Variants in MYH1 observed in about 807,000 individuals in gnomAD.
The protein encoded by MYH1 is myosin-1.
A neutral mutation model predicts 225.6 loss-of-function variants in MYH1; 214 were observed. The observed-to-expected ratio is 0.95, with a 90% confidence interval of 0.85 to 1.06. MYH1 has a LOEUF of 1.06. MYH1 is among the 50% of genes least tolerant of loss of function. MYH1 has a pLI of 0.00. For missense variants in MYH1, 2,098 were observed against 2,344.2 expected, an observed-to-expected ratio of 0.89 and a Z score of 2.17; for synonymous variants, 774 against 842.3, an observed-to-expected ratio of 0.92 and a Z score of 1.40.
chr17:10,508,593 T>A lies in MYH1; in HGVS notation c.1667A>T (p.Tyr556Phe), dbSNP rs1212744110. ...ATTGGATTTTCCAAGATGTTGTTCA[T>A]ACAGCTTGTTCTTGAAGGAGGTGTC... Reference protein sequence around the residue: ...ATDTSFKNKLYEQHLGKSNNF... With the variant: ...ATDTSFKNKLFEQHLGKSNNF... Residue 556 changes from tyrosine (Y) to phenylalanine (F), a missense_variant, in exon 16 of 40, where the codon TAT becomes TTT. Transcript: ENST00000226207. The A allele has an allele frequency of 1.2e-6, 2 of 1,614,108 alleles. No individual in the cohort carries two copies. The highest frequency in any genetic ancestry group is 1.7e-6 in the Non-Finnish European group (2 of 1,180,032).
At chr17:10,515,776 G>A in intron 5 of MYH1, 150 bp downstream of exon 5, 1 of 1,336,660 alleles carries the variant, frequency 7.5e-7, no homozygotes, top group South Asian at 1.5e-5. Flanking sequence ...TACGAGCTTT[G>A]ACAGTATATA....
rs920788050 is a variant in MYH1, at chr17:10,516,700, G to T, written c.-40-18C>A. 1.9e-6 allele frequency: 3 copies of T among 1,582,234 alleles called. No homozygotes were observed. The highest frequency in any genetic ancestry group is 1.7e-4 in the Middle Eastern group (1 of 5,918). ...GACCCTGGCTGGGAGAGGAAGAAAAGAAATTGTAGAAATTAAGAAACTGGA... is the reference window on the plus strand; with the variant it reads ...GACCCTGGCTGGGAGAGGAAGAAAATAAATTGTAGAAATTAAGAAACTGGA... On this transcript the variant is annotated intron_variant, in intron 2 of 39. Transcript: ENST00000226207.
In MYH1 at chr17:10,502,888, C is replaced by G; in HGVS notation, c.2961G>C (p.Ala987=). 2.5e-6 allele frequency: 4 copies of G among 1,613,904 alleles called. No individual in the cohort carries two copies. Among genetic ancestry groups the G allele is most frequent in the Non-Finnish European group, 3.4e-6 (4 of 1,180,016 alleles). The change falls in exon 24 of 40, where the codon GCG becomes GCC. Residue 987 remains alanine, a synonymous_variant. Transcript: ENST00000226207. ...GCTTAGCAATGGTTTCATCCAGACC[C>G]GCCATCTCTTCTGTGAGGTTTTTCA... The part of the protein sequence containing the change: ...NKVKNLTEEM[A]GLDETIAKLT...
chr17:10,496,634 C>G (rs1243293134), intron 33 of MYH1, 85 bp from the exon 34 acceptor site: 2 of 1,575,414 alleles, frequency 1.3e-6, no homozygotes, highest in Non-Finnish European at 1.7e-6. Context: ...ATTCATGAAA[C>G]CTTATTTATA....
rs1347924411 is a variant in MYH1 at position 10,503,060 on chromosome 17, G to A, written c.2880C>T (p.Asp960=). The part of the protein sequence containing the change: ...ECSELKKDID[D]LELTLAKVEK... ...CAACCTTGGCCAGTGTCAGCTCAAGGTCATCAATGTCTTTCTTGAGTTCTG... is the reference window on the plus strand; with the variant it reads ...CAACCTTGGCCAGTGTCAGCTCAAGATCATCAATGTCTTTCTTGAGTTCTG... The change falls in exon 23 of 40, where the codon GAC becomes GAT. Residue 960 remains aspartate (D), a synonymous_variant. Coordinates refer to ENST00000226207, the MANE Select transcript of MYH1 (RefSeq NM_005963.4). The A allele has an allele frequency of 1.2e-6, 2 of 1,613,164 alleles. No individual in the cohort carries two copies. Among genetic ancestry groups the A allele is most frequent in the African/African-American group, 1.3e-5 (1 of 74,848 alleles).
At chr17:10,502,535 A>C (rs1436042344) in intron 24 of MYH1, among the ~76,000 whole-genome samples, 1 of 151,996 alleles carries the variant, frequency 6.6e-6, no homozygotes, top group Admixed American at 6.6e-5. Context: ...CGTATTGTCT[A>C]TTATTCACAG....
In MYH1 at chr17:10,508,018, G is replaced by T. The variant is rs75417881; in HGVS notation, c.1898-62C>A. ...TCTCTGGTTATGGTTTTTTTTTTTT[G>T]TTTTTTTTTGTTTTTTTTGACGAAG... On this transcript the variant is annotated intron_variant, in intron 16 of 39. Coordinates refer to ENST00000226207, the MANE Select transcript of MYH1 (RefSeq NM_005963.4). 10,752 of 1,152,738 alleles carry T rather than the reference G, an allele frequency of 9.3e-3. 4 individuals carry two copies. The highest frequency in any genetic ancestry group is 0.038 in the East Asian group (1,323 of 34,670). 71.4% of individuals were successfully genotyped at this position (1,152,738 alleles called of 1,614,324 possible).
chr17:10,511,794 T>C (rs1274978905), intron 14 of MYH1, 45 bp downstream of exon 14: 7 of 1,613,192 alleles, frequency 4.3e-6, no homozygotes, highest in Non-Finnish European at 5.1e-6. Flanking sequence ...AGCAACAAGC[T>C]TGCTTGTTGG....
chr17:10,498,908 T>C, intron 29 of MYH1, 66 bp downstream of exon 29: 1 of 1,603,332 alleles, frequency 6.2e-7, no homozygotes, highest in Non-Finnish European at 8.5e-7. Context: ...CAGAAGAAAG[T>C]CTGTAAAAGT....
At chr17:10,492,617 AT>A (rs2072946694) in intron 39 of MYH1, 49 bp from the exon 40 acceptor site, 2 of 1,562,614 alleles carry the variant, frequency 1.3e-6, no homozygotes, top group African/African-American at 2.7e-5. Flanking sequence ...GAATTTTTCC[AT>A]TCTTAGGTCA....
At position 10,505,823 on chromosome 17, in the gene MYH1, G is replaced by A. The variant is rs1245653610; in HGVS notation, c.2163C>T (p.Asp721=). The change falls in exon 19 of 40, where the codon GAC becomes GAT. Residue 721 remains aspartate (D), a synonymous_variant. Coordinates refer to ENST00000226207, the MANE Select transcript of MYH1 (RefSeq NM_005963.4). The part of the protein sequence containing the change: ...KGFPSRILYA[D]FKQRYKVLNA... ...CAAAAATGTCTGACCTCTGTTTGAA[G>A]TCTGCATAAAGGATTCTGCTTGGGA... 2 of 1,613,990 alleles carry A rather than the reference G, an allele frequency of 1.2e-6. No individual in the cohort carries two copies. Among genetic ancestry groups the A allele is most frequent in the South Asian group, 1.1e-5 (1 of 91,062 alleles).
chr17:10,508,341 G>T (rs1451656677), intron 16 of MYH1, 22 bp downstream of exon 16: 8 of 1,570,544 alleles, frequency 5.1e-6, no homozygotes, highest in Non-Finnish European at 6.9e-6. Flanking sequence ...TTAGGTAAAA[G>T]ATTAATTATA....
Position 10,512,884 on chromosome 17 carries a change from T to A in MYH1, c.887A>T (p.Lys296Met). 5 of 1,612,658 alleles carry A rather than the reference T, an allele frequency of 3.1e-6. No individual in the cohort carries two copies. Among genetic ancestry groups the A allele is most frequent in the Non-Finnish European group, 4.2e-6 (5 of 1,178,652 alleles). Residue 296 changes from lysine (K) to methionine (M), a missense_variant, in exon 10 of 40, where the codon AAG becomes ATG. By Grantham distance (95) the Lys-to-Met change is moderately conservative. Transcript: ENST00000226207. ...TTTCTTACCAATTAGATCTGGCTTC[T>A]TGTTAGACATGATCTGATAAAAAAT... ...YHIFYQIMSNKKPDLIEMLLI... is the reference protein window; with the variant it reads ...YHIFYQIMSNMKPDLIEMLLI...
In MYH1 at chr17:10,505,146, A is replaced by G. The variant is rs376720022; in HGVS notation, c.2435+17T>C. On this transcript the variant is annotated intron_variant, in intron 21 of 39. Coordinates refer to ENST00000226207, the MANE Select transcript of MYH1 (RefSeq NM_005963.4). ...CACCTAAGATGATGAGGTTAAGTAAAGAATTCTTATTAATACCTTCTTTCC... is the reference window on the plus strand; with the variant it reads ...CACCTAAGATGATGAGGTTAAGTAAGGAATTCTTATTAATACCTTCTTTCC... The G allele has an allele frequency of 1.1e-5, 18 of 1,613,778 alleles. No homozygotes were observed. The highest frequency in any genetic ancestry group is 1.5e-5 in the Non-Finnish European group (18 of 1,179,968).
chr17:10,495,988 G>T lies in MYH1; in HGVS notation c.5131C>A (p.Leu1711Met). ...AGCTGAACACGCTCACTGGCATCCA[G>T]GAGCTCCTGTTCTGCGATTTTCCTG... The part of the protein sequence containing the change: ...RSRKIAEQEL[L>M]DASERVQLLH... The change falls in exon 35 of 40, where the codon CTG (leucine) becomes ATG (methionine). Residue 1711 changes from leucine to methionine, a missense_variant. Coordinates refer to ENST00000226207, the MANE Select transcript of MYH1 (RefSeq NM_005963.4). 1 of 1,614,116 alleles carries T rather than the reference G, an allele frequency of 6.2e-7. No homozygotes were observed. The highest frequency in any genetic ancestry group is 8.5e-7 in the Non-Finnish European group (1 of 1,180,026).
At chr17:10,506,241 G>A in intron 17 of MYH1, 142 bp from the exon 18 acceptor site, 1 of 1,071,670 alleles carries the variant, frequency 9.3e-7, no homozygotes, top group South Asian at 1.7e-5. Flanking sequence ...AGTTATCTCT[G>A]GAATTTCCAC....
rs1223998404 is a variant in MYH1, at chr17:10,496,076, T to G, written c.5043A>C (p.Arg1681Ser). 16 of 1,614,164 alleles carry G rather than the reference T, an allele frequency of 9.9e-6. No homozygotes were observed. The South Asian group carries it at 1.6e-4, about 17-fold the overall frequency. Residue 1681 changes from arginine to serine, a missense_variant, in exon 35 of 40, where the codon AGA becomes AGC. Arg to Ser is a moderately radical substitution (Grantham distance 110). Transcript: ENST00000226207. Reference sequence around the variant, plus strand: ...CGATCTCAGCCTGCAGCAGGTTGGCTCTGCGCTCCACCATAGCCAGCTGTT... The same window carrying G: ...CGATCTCAGCCTGCAGCAGGTTGGCGCTGCGCTCCACCATAGCCAGCTGTT... ...LKEQLAMVER[R>S]ANLLQAEIEE...
chr17:10,496,081 G>A lies in MYH1; in HGVS notation c.5038C>T (p.Arg1680Cys), dbSNP rs757650153. 1.7e-5 allele frequency: 27 copies of A among 1,614,006 alleles called. No homozygotes were observed. Among genetic ancestry groups the A allele is most frequent in the Middle Eastern group, 1.6e-4 (1 of 6,084 alleles). ...DLKEQLAMVE[R>C]RANLLQAEIE... Reference sequence around the variant, plus strand: ...TCAGCCTGCAGCAGGTTGGCTCTGCGCTCCACCATAGCCAGCTGTTCCTTC... The same window carrying A: ...TCAGCCTGCAGCAGGTTGGCTCTGCACTCCACCATAGCCAGCTGTTCCTTC... The change falls in exon 35 of 40, where the codon CGC becomes TGC. Residue 1680 changes from arginine (R) to cysteine (C), a missense_variant. Physicochemically the swap from Arg to Cys is radical, Grantham distance 180. Transcript: ENST00000226207.
chr17:10,502,820 G>T lies in MYH1; in HGVS notation c.3029C>A (p.Thr1010Asn), dbSNP rs1175572226. The change falls in exon 24 of 40, where the codon ACC becomes AAC. Residue 1010 changes from threonine to asparagine, a missense_variant. By Grantham distance (65) the Thr-to-Asn change is moderately conservative. Coordinates refer to ENST00000226207, the MANE Select transcript of MYH1 (RefSeq NM_005963.4). ...KKALQEAHQQ[T>N]LDDLQAEEDK... is the part of the protein sequence containing the mutation. The stretch of plus-strand genomic sequence containing the variant: ...CTCCTCTGCCTGCAGGTCATCCAGG[G>T]TCTGCTGGTGGGCCTCCTGGAGAGC... The T allele has an allele frequency of 2.5e-6, 4 of 1,613,898 alleles. No individual in the cohort carries two copies. Among genetic ancestry groups the T allele is most frequent in the Non-Finnish European group, 3.4e-6 (4 of 1,180,014 alleles).
Sources: gnomAD v4.1 joint callset for allele counts (sites outside exome capture counted in the v4.1 genomes callset) on GRCh38, gnomAD v4.1.1 for gene constraint, MANE v1.5 for transcripts, NCBI Gene and HGNC (gene_info 2026-07-23, HGNC 2026-07-21) for gene names.